TMEM242: variants seen among roughly 807,000 people sequenced by gnomAD.
The protein encoded by TMEM242 is UPF0463 transmembrane protein C6orf35.
Under a neutral mutation model 18.2 loss-of-function variants are expected in TMEM242, and 10 were observed. The observed-to-expected ratio is 0.55, with a 90% CI of 0.34 to 0.93. The LOEUF is 0.93. Among genes scored for constraint, TMEM242 ranks in the 40% least tolerant of loss-of-function variants. The pLI is 0.02. For missense variants in TMEM242, 186 were observed against 175.5 expected, an observed-to-expected ratio of 1.06 and a Z score of -0.34; for synonymous variants, 57 against 69.9, an observed-to-expected ratio of 0.81 and a Z score of 0.92.
chr6:157,317,682 T>C (rs587635976), intron 3 of TMEM242, among the ~76,000 whole-genome samples: 10 of 152,300 alleles, frequency 6.6e-5, no homozygotes, highest in Non-Finnish European at 8.8e-5. Context: ...ATCAAACGGA[T>C]GTGTCAACCT....
Position 157,318,876 on chromosome 6 carries a change from AG to A in TMEM242, c.232del (p.Ala79ProfsTer18). 6.2e-7 allele frequency: 1 copy of A among 1,611,616 alleles called. No individual in the cohort carries two copies. Among genetic ancestry groups the A allele is most frequent in the Non-Finnish European group, 8.5e-7 (1 of 1,179,342 alleles). ...GCCCCAGCCCAGAGCTCGCAAGGCA[AG>A]GGAAGACCCGCTTTCCGGTAATGCA... The part of the protein sequence containing the change: ...TAALPESGSS[L>X]ALRALGWGSL... On this transcript the variant is annotated frameshift_variant, in exon 3 of 4. Coordinates refer to ENST00000400788, the MANE Select transcript of TMEM242 (RefSeq NM_018452.6). LOFTEE classifies it high-confidence loss of function.
chr6:157,298,748 G>A (rs147459768), intron 3 of TMEM242, among the ~76,000 whole-genome samples: 1 of 152,122 alleles, frequency 6.6e-6, no homozygotes, highest in African/African-American at 2.4e-5. Flanking sequence ...AGAATATCTA[G>A]AACACAATAA....
intron 3 of TMEM242, among the ~76,000 whole-genome samples, chr6:157,315,909 G>T (rs1236479807): frequency 6.6e-6 from 1 of 152,134 alleles, no homozygotes; most frequent in African/African-American, 2.4e-5. Flanking sequence ...TAATGTATGT[G>T]TTCTATGTGA....
At position 157,313,871 on chromosome 6, in the gene TMEM242, C is replaced by T. The variant is rs587678953; in HGVS notation, c.327+4911G>A. On this transcript the variant is annotated intron_variant, in intron 3 of 3. Transcript: ENST00000400788. Reference sequence around the variant, plus strand: ...AGTGCCCCAGTGTGCACTCCCCTAGCCTCATCACAGTGCCCCAGTGTGCGC... The same window carrying T: ...AGTGCCCCAGTGTGCACTCCCCTAGTCTCATCACAGTGCCCCAGTGTGCGC... 4.0e-5 allele frequency among the ~76,000 whole-genome samples: 6 copies of T among 151,816 alleles called. No individual in the cohort carries two copies. In the East Asian group the frequency reaches 1.2e-3, roughly 29 times the overall value.
rs1266658609 is a variant in TMEM242, at chr6:157,292,482, A to G, written c.*419T>C. 1 of 154,406 alleles carries G rather than the reference A, an allele frequency of 6.5e-6. No individual in the cohort carries two copies. Among genetic ancestry groups the G allele is most frequent in the Admixed American group, 6.4e-5 (1 of 15,538 alleles). The allele number at this position is 154,406 out of a possible 1,614,324, so 9.6% of individuals were successfully genotyped here. ...ATAAGACTTCCAAGTTCTGTCATAT[A>G]TTGACAAGAAAGGCTCTTGAAACTC... On this transcript the variant is annotated 3_prime_UTR_variant, in exon 4 of 4. Transcript: ENST00000400788.
chr6:157,297,007 GT>G (rs1480160507), intron 3 of TMEM242, among the ~76,000 whole-genome samples: 1 of 152,176 alleles, frequency 6.6e-6, no homozygotes, highest in Non-Finnish European at 1.5e-5. Flanking sequence ...CTCTAATAAT[GT>G]TATTCTCGTT....
chr6:157,313,848 T>C (rs62425616), intron 3 of TMEM242, among the ~76,000 whole-genome samples: 1 of 142,060 alleles, frequency 7.0e-6, no homozygotes. Context: ...CTCATCACAG[T>C]GCCCCAGTGT....
intron 3 of TMEM242, among the ~76,000 whole-genome samples, chr6:157,301,094 G>A (rs9366053): frequency 0.25 from 37,833 of 151,712 alleles, 4,812 homozygotes; most frequent in South Asian, 0.39. Context: ...AACTACAAAA[G>A]CTCCAAAAAA....
intron 2 of TMEM242, among the ~76,000 whole-genome samples, chr6:157,322,358 T>C (rs1191883197): frequency 6.6e-6 from 1 of 152,178 alleles, no homozygotes; most frequent in Non-Finnish European, 1.5e-5. Flanking sequence ...CTCAAACTCC[T>C]GACCTCAGGT....
At chr6:157,323,326 T>A (rs1778526998) in intron 1 of TMEM242, 86 bp downstream of exon 1, 1 of 1,383,544 alleles carries the variant, frequency 7.2e-7, no homozygotes, top group Non-Finnish European at 1.0e-6. Context: ...CAGAGCGGGA[T>A]GTGTGTGGGA....
rs373452401 is a variant in TMEM242 at position 157,296,702 on chromosome 6, C to A, written c.328-3703G>T. 3.4e-4 allele frequency among the ~76,000 whole-genome samples: 51 copies of A among 152,180 alleles called. 1 individual carries two copies. The South Asian group carries it at 0.01, about 30-fold the overall frequency. Reference sequence around the variant, plus strand: ...CATCTCAAAAGAAACCAAAACTAAACAAAACCAAGACATGAATGGTACTCC... The same window carrying A: ...CATCTCAAAAGAAACCAAAACTAAAAAAAACCAAGACATGAATGGTACTCC... On this transcript the variant is annotated intron_variant, in intron 3 of 3. Coordinates refer to ENST00000400788, the MANE Select transcript of TMEM242 (RefSeq NM_018452.6).
chr6:157,312,661 C>T (rs76496326), intron 3 of TMEM242, among the ~76,000 whole-genome samples: 337 of 4,112 alleles, frequency 0.082, 2 homozygotes, highest in South Asian at 0.15. Flanking sequence ...CATCATAGTG[C>T]CCCAGGGTGC....
intron 3 of TMEM242, chr6:157,300,000 C>CCCCCGT: frequency 7.5e-7 from 1 of 1,338,168 alleles, no homozygotes; most frequent in Non-Finnish European, 1.1e-6. Flanking sequence ...TCACTCTTCA[C>CCCCCGT]GGGGGTGAAG....
chr6:157,306,591 G>C (rs1777921366), intron 3 of TMEM242, among the ~76,000 whole-genome samples: 1 of 152,150 alleles, frequency 6.6e-6, no homozygotes, highest in African/African-American at 2.4e-5. Flanking sequence ...CAGTCAACTG[G>C]GCCCATGAGC....
chr6:157,312,234 A>G (rs1365723330), intron 3 of TMEM242, among the ~76,000 whole-genome samples: 10 of 81,340 alleles, frequency 1.2e-4, no homozygotes, highest in Non-Finnish European at 1.4e-4. Flanking sequence ...GCCCCAGTGT[A>G]CACTCATCTA....
At chr6:157,319,924 T>A (rs1778465536) in intron 2 of TMEM242, among the ~76,000 whole-genome samples, 1 of 152,196 alleles carries the variant, frequency 6.6e-6, no homozygotes, top group Non-Finnish European at 1.5e-5. Flanking sequence ...ATAACGGTGC[T>A]GCATAGGGTG....
intron 3 of TMEM242, among the ~76,000 whole-genome samples, chr6:157,294,499 C>T (rs1036307425): frequency 4.0e-5 from 6 of 151,250 alleles, no homozygotes; most frequent in African/African-American, 1.2e-4. Context: ...TACAGGCGCC[C>T]GCCACTACGC....
At chr6:157,319,319 T>C (rs1778457691) in intron 2 of TMEM242, among the ~76,000 whole-genome samples, 1 of 152,226 alleles carries the variant, frequency 6.6e-6, no homozygotes, top group South Asian at 2.1e-4. Flanking sequence ...TGTGTAAACA[T>C]TATGTACTTT....
chr6:157,310,646 T>C (rs62424353), intron 3 of TMEM242, among the ~76,000 whole-genome samples: 13 of 4,140 alleles, frequency 3.1e-3, no homozygotes, highest in Admixed American at 0.02. Context: ...GTCCCAGTGT[T>C]CGCTCACCCG....
Sources: gnomAD v4.1 joint callset for allele counts (sites outside exome capture counted in the v4.1 genomes callset) on GRCh38, gnomAD v4.1.1 for gene constraint, MANE v1.5 for transcripts, NCBI Gene and HGNC (gene_info 2026-07-23, HGNC 2026-07-21) for gene names.